Variants in ITPKA observed in about 807,000 individuals in gnomAD.
ITPKA encodes the protein IP3 3-kinase A.
In ITPKA, 16 loss-of-function variants were observed where a neutral mutation model predicts 40.7. The ratio of observed to expected loss-of-function variants is 0.39; its 90% confidence interval spans 0.27 to 0.60. The LOEUF is 0.60. ITPKA is among the 20% of genes least tolerant of loss of function. ITPKA has a pLI of 0.50. For missense variants in ITPKA, 540 were observed against 649.3 expected (o/e 0.83, Z 1.83); for synonymous variants, 313 against 289.9 (o/e 1.08, Z -0.81).
At chr15:41,495,731 G>GC (rs796096343) in intron 1 of ITPKA, among the ~76,000 whole-genome samples, 93 of 152,054 alleles carry the variant, frequency 6.1e-4, no homozygotes, top group African/African-American at 2.1e-3. Flanking sequence ...GCAGTGAGAG[G>GC]CCCCCCGCCC....
rs1480297393 is a variant in ITPKA, at chr15:41,494,308, C to T, written c.381C>T (p.Ser127=). ...PRRLSTSSVS[S]TGSSSLLEDS... is the part of the protein sequence containing the mutation. ...GCCTTTCCACCTCGTCGGTCTCCTC[C>T]ACTGGCTCCTCGTCGCTGCTCGAGG... Residue 127 remains serine (S), a synonymous_variant, in exon 1 of 7, where the codon TCC becomes TCT. Transcript: ENST00000260386. The surrounding 1 kb of genome is among the most constrained non-coding windows in gnomAD (Gnocchi z 7.8). The T allele has an allele frequency of 1.9e-6, 3 of 1,541,698 alleles. No individual in the cohort carries two copies. The highest frequency in any genetic ancestry group is 3.8e-5 in the Admixed American group (2 of 52,266).
intron 4 of ITPKA, 45 bp downstream of exon 4, chr15:41,502,246 C>T: frequency 7.8e-6 from 12 of 1,530,414 alleles, no homozygotes; most frequent in Non-Finnish European, 1.1e-5. Context: ...CCCCACTGCG[C>T]GCTGTCTTTC....
chr15:41,498,623 T>C (rs1179016573), intron 1 of ITPKA, among the ~76,000 whole-genome samples: 1 of 152,164 alleles, frequency 6.6e-6, no homozygotes, highest in Non-Finnish European at 1.5e-5. Flanking sequence ...TCCATTCTGG[T>C]CCCACTATCC....
intron 1 of ITPKA, among the ~76,000 whole-genome samples, chr15:41,501,008 GAAAAAAAAAAAAAA>G (rs11366854): frequency 0.024 from 1,409 of 58,270 alleles, 16 homozygotes; most frequent in Middle Eastern, 0.053. Context: ...GACTCCATCT[GAAAAAAAAAAAAAA>G]AAAAAAAAAA....
chr15:41,500,024 G>A (rs952995335), intron 1 of ITPKA, among the ~76,000 whole-genome samples: 5 of 152,128 alleles, frequency 3.3e-5, no homozygotes, highest in East Asian at 1.9e-4. Flanking sequence ...GCAGTGGCTC[G>A]ATCACAGCTC....
chr15:41,497,552 T>A (rs1239504337), intron 1 of ITPKA, among the ~76,000 whole-genome samples: 4 of 152,130 alleles, frequency 2.6e-5, no homozygotes, highest in Non-Finnish European at 5.9e-5. Context: ...AAAAGCGTGA[T>A]GTTCTCTGGG....
intron 1 of ITPKA, among the ~76,000 whole-genome samples, chr15:41,498,165 G>T (rs1421845923): frequency 6.6e-6 from 1 of 151,848 alleles, no homozygotes; most frequent in African/African-American, 2.4e-5. Context: ...AATCAACCAG[G>T]CATGGTGACT....
chr15:41,494,555 G>A lies in ITPKA; in HGVS notation c.489+139G>A, dbSNP rs1027149518. On this transcript the variant is annotated intron_variant, in intron 1 of 6. Transcript: ENST00000260386. The surrounding 1 kb of genome is among the most constrained non-coding windows in gnomAD (Gnocchi z 7.8). The stretch of plus-strand genomic sequence containing the variant: ...TTCTCGCGGTTTAGGAGGAATCTGG[G>A]GGTCAGAGGGAGGCGCCTGGCCGAC... The A allele has an allele frequency of 2.6e-5, 15 of 567,720 alleles. No homozygotes were observed. The highest frequency in any genetic ancestry group is 4.2e-5 in the Non-Finnish European group (15 of 358,548). 35.2% of individuals were successfully genotyped at this position (567,720 alleles called of 1,614,324 possible).
At chr15:41,501,603 G>A (rs1376866697) in intron 2 of ITPKA, 32 bp from the exon 3 acceptor site, 4 of 1,582,870 alleles carry the variant, frequency 2.5e-6, no homozygotes, top group Admixed American at 3.5e-5. Context: ...ACGGGAAGGG[G>A]CTGGGCGGCG....
Position 41,495,060 on chromosome 15 carries a change from G to C in ITPKA, c.489+644G>C, listed in dbSNP as rs12591235. 2.6e-4 allele frequency among the ~76,000 whole-genome samples: 40 copies of C among 152,328 alleles called. 2 individuals are homozygous for C. The East Asian group carries it at 7.5e-3, about 29-fold the overall frequency. On this transcript the variant is annotated intron_variant, in intron 1 of 6. Coordinates refer to ENST00000260386, the MANE Select transcript of ITPKA (RefSeq NM_002220.3). ...CGCCGCTCCTGAGCGCGGCAGAGAG[G>C]GGCGGTAAACTGAGGCTGCAAGGGG...
intron 1 of ITPKA, among the ~76,000 whole-genome samples, chr15:41,499,774 G>T (rs1595448975): frequency 6.6e-6 from 1 of 152,160 alleles, no homozygotes; most frequent in Non-Finnish European, 1.5e-5. Flanking sequence ...AGGACACAGG[G>T]CTGCCGAGTT....
intron 5 of ITPKA, 109 bp downstream of exon 5, chr15:41,502,612 C>A: frequency 1.1e-6 from 1 of 914,376 alleles, no homozygotes; most frequent in Non-Finnish European, 1.7e-6. Flanking sequence ...GCCCTCACCG[C>A]GCTGGCTCGC....
intron 6 of ITPKA, 46 bp from the exon 7 acceptor site, chr15:41,502,917 G>A: frequency 6.2e-7 from 1 of 1,601,192 alleles, no homozygotes; most frequent in Non-Finnish European, 8.5e-7. Flanking sequence ...AACCCGGCAA[G>A]GGCGTCTCTG....
chr15:41,498,936 G>A (rs2051091941), intron 1 of ITPKA, among the ~76,000 whole-genome samples: 1 of 152,186 alleles, frequency 6.6e-6, no homozygotes, highest in Non-Finnish European at 1.5e-5. Flanking sequence ...CAGAGATTGG[G>A]AGGCTGGAGG....
chr15:41,501,951 C>T (rs752950452), intron 3 of ITPKA, 46 bp from the exon 4 acceptor site: 31 of 1,596,050 alleles, frequency 1.9e-5, no homozygotes, highest in African/African-American at 4.0e-5. Context: ...GAAGGGGTCT[C>T]CGTGTGCGCC....
At chr15:41,502,577 T>G (rs2051124918) in intron 5 of ITPKA, 74 bp downstream of exon 5, 1 of 995,524 alleles carries the variant, frequency 1.0e-6, no homozygotes, top group African/African-American at 1.6e-5. Context: ...TCTGGCCCAG[T>G]GCCCTCGGCT....
rs1356607976 is a variant in ITPKA at position 41,497,453 on chromosome 15, C to G, written c.489+3037C>G. On this transcript the variant is annotated intron_variant, in intron 1 of 6. Coordinates refer to ENST00000260386, the MANE Select transcript of ITPKA (RefSeq NM_002220.3). ...ATGTTGGCCAGGCTGCTCTCGAACT[C>G]CTGACCTCAAGTGATGCATCTGCCT... Among the ~76,000 whole-genome samples, 5 of 152,304 alleles carry G rather than the reference C, an allele frequency of 3.3e-5. No individual in the cohort carries two copies. The South Asian group carries it at 1.0e-3, about 32-fold the overall frequency.
rs1481117501 is a variant in ITPKA at position 41,503,173 on chromosome 15, A to G, written c.*7A>G. ...CAGCCTGGCTGAGAGATGAGGCTGG[A>G]CTCCTGTCCCCGCGGGCCGCTCACC... On this transcript the variant is annotated 3_prime_UTR_variant, in exon 7 of 7. Transcript: ENST00000260386. The G allele has an allele frequency of 1.3e-6, 2 of 1,566,882 alleles. No homozygotes were observed. The highest frequency in any genetic ancestry group is 1.7e-6 in the Non-Finnish European group (2 of 1,148,766).
rs746378622 is a variant in ITPKA at position 41,502,120 on chromosome 15, C to T, written c.927C>T (p.Ala309=). The T allele has an allele frequency of 1.7e-5, 27 of 1,610,398 alleles. No individual in the cohort carries two copies. The highest frequency in any genetic ancestry group is 2.3e-5 in the Non-Finnish European group (27 of 1,179,032). The change falls in exon 4 of 7, where the codon GCC becomes GCT. Residue 309 remains alanine, a synonymous_variant. Coordinates refer to ENST00000260386, the MANE Select transcript of ITPKA (RefSeq NM_002220.3). ...CGGAGGAGGAGCACGCGCAGCGCGC[C>T]GTCACCAAGCCGCGCTACATGCAGT... ...APTEEEHAQR[A]VTKPRYMQWR...
Sources: allele counts gnomAD v4.1 joint callset (sites outside exome capture counted in the v4.1 genomes callset), GRCh38; gene constraint gnomAD v4.1.1; non-coding constraint Gnocchi (gnomAD v3.1); transcripts MANE v1.5; gene names NCBI Gene and HGNC (gene_info 2026-07-23, HGNC 2026-07-21).